The following DPP10 variants were observed in gnomAD, a reference collection of about 807,000 sequenced individuals.
DPP10 encodes dipeptidyl peptidase like 10.
In DPP10, 33 loss-of-function variants were observed where a neutral mutation model predicts 120.9. The observed-to-expected ratio is 0.27, with a 90% CI of 0.21 to 0.37. The LOEUF (loss-of-function observed/expected upper bound fraction) is 0.37. Ranked by LOEUF, DPP10 falls within the 10% of genes least tolerant of loss-of-function variation. The probability of loss-of-function intolerance (pLI) is 1.00; values close to 1 mark genes in which losing one functional copy is unlikely to be tolerated. For missense variants in DPP10, 816 were observed against 942.8 expected, an observed-to-expected ratio of 0.87 and a Z score of 1.76; for synonymous variants, 337 against 326.1, an observed-to-expected ratio of 1.03 and a Z score of -0.36.
intron 1 of DPP10, among the ~76,000 whole-genome samples, chr2:115,153,815 A>AC (rs1000647164): frequency 6.6e-6 from 1 of 151,656 alleles, no homozygotes; most frequent in Non-Finnish European, 1.5e-5. Context: ...TGTCTCTCCT[A>AC]CCCCTCCCCC....
chr2:115,719,457 G>A (rs1223184857), intron 7 of DPP10, among the ~76,000 whole-genome samples: 1 of 152,242 alleles, frequency 6.6e-6, no homozygotes, highest in South Asian at 2.1e-4. Flanking sequence ...TGAATGAGTT[G>A]TTCTATGTCT....
At chr2:115,339,123 G>A (rs1235813570) in intron 2 of DPP10, among the ~76,000 whole-genome samples, 3 of 152,070 alleles carry the variant, frequency 2.0e-5, no homozygotes, top group Non-Finnish European at 4.4e-5. Flanking sequence ...ACACACCAAC[G>A]AAATAATTCA....
chr2:114,932,212 C>G (rs953851309), intron 1 of DPP10, among the ~76,000 whole-genome samples: 1 of 152,218 alleles, frequency 6.6e-6, no homozygotes, highest in African/African-American at 2.4e-5. Context: ...CTCCAGGTGA[C>G]TCTGATAGAC....
At chr2:114,581,110 A>C (rs1027410164) in intron 1 of DPP10, among the ~76,000 whole-genome samples, 3 of 149,562 alleles carry the variant, frequency 2.0e-5, no homozygotes, top group African/African-American at 7.4e-5. Context: ...AATTTTGTGG[A>C]GTTAGAAGTT....
At chr2:115,223,297 A>G (rs2057268369) in intron 1 of DPP10, among the ~76,000 whole-genome samples, 1 of 152,116 alleles carries the variant, frequency 6.6e-6, no homozygotes, top group Non-Finnish European at 1.5e-5. Flanking sequence ...CAGGTTATTT[A>G]TTAAAACAAT....
chr2:114,648,472 C>T (rs1404103192), intron 1 of DPP10, among the ~76,000 whole-genome samples: 5 of 152,262 alleles, frequency 3.3e-5, no homozygotes, highest in Admixed American at 3.3e-4. Flanking sequence ...TGGCTCAGCC[C>T]ATATTTCCAG....
At chr2:114,772,632 T>G (rs1681370527) in intron 1 of DPP10, among the ~76,000 whole-genome samples, 2 of 151,966 alleles carry the variant, frequency 1.3e-5, no homozygotes, top group Admixed American at 1.3e-4. Context: ...CCATATCTCA[T>G]GTGTGTTCCT....
At chr2:114,938,729 CTTTTT>C (rs5833569) in intron 1 of DPP10, among the ~76,000 whole-genome samples, 4 of 102,594 alleles carry the variant, frequency 3.9e-5, no homozygotes, top group Admixed American at 1.0e-4. Flanking sequence ...CACTTTGTCC[CTTTTT>C]TTTTTTTTTT....
At chr2:114,914,289 G>T (rs182904018) in intron 1 of DPP10, among the ~76,000 whole-genome samples, 3 of 152,248 alleles carry the variant, frequency 2.0e-5, no homozygotes, top group Admixed American at 2.0e-4. Flanking sequence ...CAAAATAAAA[G>T]ATATTAAAGG....
intron 7 of DPP10, among the ~76,000 whole-genome samples, chr2:115,722,151 A>T (rs2092663929): frequency 6.6e-6 from 1 of 152,070 alleles, no homozygotes; most frequent in Non-Finnish European, 1.5e-5. Flanking sequence ...CAGTTGAGTG[A>T]GATTAGTAAG....
chr2:115,146,450 T>C (rs559100988), intron 1 of DPP10, among the ~76,000 whole-genome samples: 1 of 152,194 alleles, frequency 6.6e-6, no homozygotes, highest in South Asian at 2.1e-4. Flanking sequence ...GTTATTTATA[T>C]AAAATAAATT....
intron 7 of DPP10, among the ~76,000 whole-genome samples, chr2:115,717,833 A>G (rs1405729052): frequency 1.3e-5 from 2 of 152,110 alleles, no homozygotes; most frequent in East Asian, 1.9e-4. Flanking sequence ...TTTTTCAATT[A>G]CAGTTTTATT....
At chr2:115,334,055 G>A (rs2062937992) in intron 2 of DPP10, among the ~76,000 whole-genome samples, 1 of 151,718 alleles carries the variant, frequency 6.6e-6, no homozygotes, top group African/African-American at 2.4e-5. Flanking sequence ...ATGGAACCAA[G>A]TTGGAAAACA....
At chr2:114,635,094 T>C (rs181968895) in intron 1 of DPP10, among the ~76,000 whole-genome samples, 9 of 152,038 alleles carry the variant, frequency 5.9e-5, no homozygotes, top group Admixed American at 5.2e-4. Flanking sequence ...CTAGCTGAAG[T>C]GAGTTTTACG....
chr2:115,240,190 AGTT>A (rs1001557691), intron 1 of DPP10, among the ~76,000 whole-genome samples: 21 of 152,326 alleles, frequency 1.4e-4, no homozygotes, highest in East Asian at 9.7e-4. Context: ...TGTCTTCCAC[AGTT>A]GTTGAACTAA....
At chr2:114,543,343 A>G (rs1032301494) in intron 1 of DPP10, among the ~76,000 whole-genome samples, 3 of 152,208 alleles carry the variant, frequency 2.0e-5, no homozygotes, top group Non-Finnish European at 4.4e-5. Flanking sequence ...GCTAATTTCC[A>G]ACATTGACAG....
At chr2:115,425,882 G>A (rs2104726135) in intron 3 of DPP10, among the ~76,000 whole-genome samples, 1 of 152,308 alleles carries the variant, frequency 6.6e-6, no homozygotes, top group Admixed American at 6.5e-5. Context: ...GAGGAGCCAT[G>A]TCACATGGGA....
intron 1 of DPP10, among the ~76,000 whole-genome samples, chr2:114,936,274 A>G (rs1169908424): frequency 6.6e-6 from 1 of 152,072 alleles, no homozygotes; most frequent in East Asian, 1.9e-4. Flanking sequence ...TTCGCTTAGA[A>G]TAATAGTCTC....
chr2:114,550,538 T>C (rs1227202333), intron 1 of DPP10, among the ~76,000 whole-genome samples: 1 of 152,212 alleles, frequency 6.6e-6, no homozygotes, highest in African/African-American at 2.4e-5. Context: ...CACCTGCTGG[T>C]GTGGAGTGCT....
Sources: allele counts gnomAD v4.1 joint callset (sites outside exome capture counted in the v4.1 genomes callset), GRCh38; gene constraint gnomAD v4.1.1; transcripts MANE v1.5; gene names NCBI Gene and HGNC (gene_info 2026-07-23, HGNC 2026-07-21).